THSD7A: variants seen among roughly 807,000 people sequenced by gnomAD.
The protein encoded by THSD7A is thrombospondin type 1 domain containing 7A, also known as thrombospondin type-1 domain-containing protein 7A.
In THSD7A, 96 loss-of-function variants were observed where a neutral mutation model predicts 231.3. The ratio of observed to expected loss-of-function variants is 0.41; its 90% CI spans 0.35 to 0.49. The LOEUF (loss-of-function observed/expected upper bound fraction) is 0.49. Among genes scored for constraint, THSD7A ranks in the 20% least tolerant of loss-of-function variants. The pLI, the probability that THSD7A is intolerant of heterozygous loss-of-function variation, is 0.05. For synonymous variants in THSD7A, 940 were observed against 743.3 expected (o/e 1.26, Z -4.30); for missense variants, 2,290 against 2,070.2 (o/e 1.11, Z -2.06).
At chr7:11,437,394 C>CAAGT (rs1388244463) in intron 13 of THSD7A, among the ~76,000 whole-genome samples, 1 of 152,024 alleles carries the variant, frequency 6.6e-6, no homozygotes, top group Non-Finnish European at 1.5e-5. Flanking sequence ...TCTTTGTGCC[C>CAAGT]AAGTATCCTT....
At chr7:11,566,313 G>C (rs959831755) in intron 4 of THSD7A, among the ~76,000 whole-genome samples, 13 of 152,318 alleles carry the variant, frequency 8.5e-5, no homozygotes, top group Admixed American at 1.3e-4. Flanking sequence ...AGAGAGGTAG[G>C]AGAGACAGAA....
chr7:11,498,241 G>C (rs1360775176), intron 6 of THSD7A, among the ~76,000 whole-genome samples: 2 of 152,202 alleles, frequency 1.3e-5, no homozygotes, highest in Non-Finnish European at 2.9e-5. Flanking sequence ...CTAAGAAGGA[G>C]CTCTCAGAGA....
chr7:11,771,308 A>G (rs1028409601), intron 1 of THSD7A, among the ~76,000 whole-genome samples: 1 of 151,884 alleles, frequency 6.6e-6, no homozygotes, highest in Non-Finnish European at 1.5e-5. Context: ...ACAACGATCA[A>G]TAATCTTTAA....
chr7:11,380,456 T>A (rs902571345), intron 24 of THSD7A, among the ~76,000 whole-genome samples: 6 of 152,160 alleles, frequency 3.9e-5, no homozygotes, highest in Non-Finnish European at 7.4e-5. Context: ...CAAAACAAAA[T>A]TTTTTCTTTA....
chr7:11,558,170 C>T (rs1176091323), intron 4 of THSD7A, among the ~76,000 whole-genome samples: 1 of 152,108 alleles, frequency 6.6e-6, no homozygotes, highest in Non-Finnish European at 1.5e-5. Flanking sequence ...ATCACCTTGT[C>T]ATTTTGGGCC....
chr7:11,412,694 A>C lies in THSD7A; in HGVS notation c.3644T>G (p.Leu1215Arg). 6.2e-7 allele frequency: 1 copy of C among 1,613,810 alleles called. No individual in the cohort carries two copies. The highest frequency in any genetic ancestry group is 2.2e-5 in the East Asian group (1 of 44,874). Reference sequence around the variant, plus strand: ...ATCATAGTGGTAGCAGTTTTTGTTCAGGTTACAGGGTTCTTTCTCAACAGC... The same window carrying C: ...ATCATAGTGGTAGCAGTTTTTGTTCCGGTTACAGGGTTCTTTCTCAACAGC... ...PNAVEKEPCN[L>R]NKNCYHYDYN... The change falls in exon 18 of 28, where the codon CTG becomes CGG. Residue 1215 changes from leucine (L) to arginine (R), a missense_variant. By Grantham distance (102) the Leu-to-Arg change is moderately radical (BLOSUM62 -2). Coordinates refer to ENST00000423059, the MANE Select transcript of THSD7A (RefSeq NM_015204.3).
chr7:11,478,573 C>G (rs995949207), intron 7 of THSD7A, among the ~76,000 whole-genome samples: 2 of 150,558 alleles, frequency 1.3e-5, no homozygotes, highest in African/African-American at 4.9e-5. Flanking sequence ...AAGAGCCTAG[C>G]AATAAAAGGA....
At chr7:11,669,182 C>A (rs962660642) in intron 1 of THSD7A, among the ~76,000 whole-genome samples, 2 of 152,068 alleles carry the variant, frequency 1.3e-5, no homozygotes, top group East Asian at 1.9e-4. Flanking sequence ...TAATGGAAAT[C>A]ATTATTTCTG....
In THSD7A at chr7:11,371,338, A is replaced by C. The variant is rs1020506473; in HGVS notation, c.*4456T>G. 6.6e-6 allele frequency: 1 copy of C among 152,180 alleles called. No homozygotes were observed. Among genetic ancestry groups the C allele is most frequent in the Non-Finnish European group, 1.5e-5 (1 of 68,040 alleles). 9.4% of individuals were successfully genotyped at this position (152,180 alleles called of 1,614,324 possible). ...GCAGCCAGGGCCACCTGAGGGCAGG[A>C]CCTGGGGAGACCCTTATTCCCAGAA... On this transcript the variant is annotated 3_prime_UTR_variant, in exon 28 of 28. Coordinates refer to ENST00000423059, the MANE Select transcript of THSD7A (RefSeq NM_015204.3).
In THSD7A at chr7:11,460,641, CTG is replaced by C; in HGVS notation, c.2605+19_2605+20del. On this transcript the variant is annotated intron_variant, in intron 11 of 27. Coordinates refer to ENST00000423059, the MANE Select transcript of THSD7A (RefSeq NM_015204.3). ...AAACTAGCGATGCTGGAGAAATGAA[CTG>C]TGGAATGGGGCCTCCCACCTCTTGC... 1 of 1,581,148 alleles carries C rather than the reference CTG, an allele frequency of 6.3e-7. No homozygotes were observed. Among genetic ancestry groups the C allele is most frequent in the South Asian group, 1.2e-5 (1 of 86,804 alleles).
At chr7:11,503,357 C>T (rs1384247278) in intron 6 of THSD7A, among the ~76,000 whole-genome samples, 1 of 152,032 alleles carries the variant, frequency 6.6e-6, no homozygotes, top group Non-Finnish European at 1.5e-5. Flanking sequence ...CTATAAAAAC[C>T]CTGGAAGACA....
Position 11,375,866 on chromosome 7 carries a change from C to T in THSD7A, c.4902G>A (p.Lys1634=). 6.2e-7 allele frequency: 1 copy of T among 1,612,192 alleles called. No homozygotes were observed. Among genetic ancestry groups the T allele is most frequent in the South Asian group, 1.1e-5 (1 of 91,002 alleles). The change falls in exon 28 of 28, where the codon AAG becomes AAA. Residue 1634 remains lysine, a synonymous_variant. Transcript: ENST00000423059. Reference sequence around the variant, plus strand: ...GGTTGTTTTGCCTTCTTTGGGGTTTCTTTGGCTTTTTGCTGTAAAAAAATT... The same window carrying T: ...GGTTGTTTTGCCTTCTTTGGGGTTTTTTTGGCTTTTTGCTGTAAAAAAATT... The part of the protein sequence containing the change: ...SMIYLACKKP[K]KPQRRQNNRL...
chr7:11,780,630 C>T (rs536348864), intron 1 of THSD7A, among the ~76,000 whole-genome samples: 1 of 152,170 alleles, frequency 6.6e-6, no homozygotes, highest in Non-Finnish European at 1.5e-5. Flanking sequence ...TTGACTGCAT[C>T]CTCGTGAAAA....
intron 13 of THSD7A, among the ~76,000 whole-genome samples, chr7:11,431,098 T>C (rs181853629): frequency 6.6e-6 from 1 of 152,348 alleles, no homozygotes; most frequent in East Asian, 1.9e-4. Context: ...CAGCACTTTA[T>C]ACTCCACCAG....
At chr7:11,493,457 T>C (rs1045256649) in intron 6 of THSD7A, among the ~76,000 whole-genome samples, 4 of 152,056 alleles carry the variant, frequency 2.6e-5, no homozygotes, top group Non-Finnish European at 4.4e-5. Flanking sequence ...AACTACTCAA[T>C]TGGATGGACA....
intron 6 of THSD7A, among the ~76,000 whole-genome samples, chr7:11,528,785 T>C (rs1788582538): frequency 6.6e-6 from 1 of 152,188 alleles, no homozygotes; most frequent in South Asian, 2.1e-4. Context: ...AAATCTCATA[T>C]TGAGAATCAA....
chr7:11,553,183 C>T (rs1212701186), intron 4 of THSD7A, among the ~76,000 whole-genome samples: 4 of 152,114 alleles, frequency 2.6e-5, no homozygotes, highest in African/African-American at 9.7e-5. Context: ...TCAACACTGA[C>T]ATAATTGTCA....
chr7:11,565,071 T>C (rs1009160200), intron 4 of THSD7A, among the ~76,000 whole-genome samples: 1 of 152,142 alleles, frequency 6.6e-6, no homozygotes, highest in Non-Finnish European at 1.5e-5. Flanking sequence ...GGACATGTTG[T>C]AGAATAGTGT....
chr7:11,433,750 G>A (rs776810800), intron 13 of THSD7A, among the ~76,000 whole-genome samples: 1 of 151,872 alleles, frequency 6.6e-6, no homozygotes, highest in Admixed American at 6.6e-5. Flanking sequence ...ACAGATAAAT[G>A]GAAAATTGTT....
Sources: gnomAD v4.1 joint callset for allele counts (sites outside exome capture counted in the v4.1 genomes callset) on GRCh38, gnomAD v4.1.1 for gene constraint, MANE v1.5 for transcripts, NCBI Gene and HGNC (gene_info 2026-07-23, HGNC 2026-07-21) for gene names.